Variants in BMP6 observed in about 807,000 individuals in gnomAD.
BMP6 encodes bone morphogenetic protein 6, also known as VG-1-R.
In BMP6, 17 loss-of-function variants were observed where a neutral mutation model predicts 54.1. The observed-to-expected ratio is 0.31, with a 90% CI of 0.22 to 0.47. The LOEUF (loss-of-function observed/expected upper bound fraction) is 0.47, where lower values mean the gene tolerates loss of function less well. Ranked by LOEUF, BMP6 falls within the 20% of genes least tolerant of loss-of-function variation. The pLI, the probability that BMP6 is intolerant of heterozygous loss-of-function variation, is 1.00. For missense variants in BMP6, 720 were observed against 690.4 expected, an observed-to-expected ratio of 1.04 and a Z score of -0.48; for synonymous variants, 328 against 291.2, an observed-to-expected ratio of 1.13 and a Z score of -1.28.
At chr6:7,767,199 C>T (rs1018037611) in intron 1 of BMP6, among the ~76,000 whole-genome samples, 5 of 152,028 alleles carry the variant, frequency 3.3e-5, no homozygotes, top group African/African-American at 1.2e-4. Flanking sequence ...CGGTCTCGAT[C>T]TCCTGACCTC....
intron 2 of BMP6, among the ~76,000 whole-genome samples, chr6:7,853,597 A>G (rs1158389811): frequency 2.6e-5 from 4 of 152,150 alleles, no homozygotes; most frequent in Admixed American, 1.3e-4. Context: ...GGAGAACACT[A>G]TATTATAGTT....
At chr6:7,779,800 G>A (rs1757915186) in intron 1 of BMP6, among the ~76,000 whole-genome samples, 1 of 152,168 alleles carries the variant, frequency 6.6e-6, no homozygotes, top group East Asian at 1.9e-4. Flanking sequence ...AAAGTGAAGG[G>A]GGAGAGGGGT....
Position 7,809,511 on chromosome 6 carries a change from G to A in BMP6, c.665-35629G>A, listed in dbSNP as rs1758404991. Among the ~76,000 whole-genome samples, 3 of 152,108 alleles carry A rather than the reference G, an allele frequency of 2.0e-5. No homozygotes were observed. In the South Asian group the frequency reaches 6.2e-4, roughly 32 times the overall value. On this transcript the variant is annotated intron_variant, in intron 1 of 6. Coordinates refer to ENST00000283147, the MANE Select transcript of BMP6 (RefSeq NM_001718.6). ...CAGGATTTTTTTTTTCCTGTGTGTG[G>A]CTATGTAGAGGCGGAAAAGGATGAA...
At position 7,765,292 on chromosome 6, in the gene BMP6, T is replaced by A. The variant is rs571538348; in HGVS notation, c.664+37673T>A. Among the ~76,000 whole-genome samples the A allele has an allele frequency of 1.8e-4, 27 of 152,356 alleles. No individual in the cohort carries two copies. In the East Asian group the frequency reaches 4.2e-3, roughly 24 times the overall value. On this transcript the variant is annotated intron_variant, in intron 1 of 6. Transcript: ENST00000283147. ...TCCCAGAGAGGGGGAAACCCCAGTT[T>A]GACCACATTTATTATTTTATTTGCT...
intron 4 of BMP6, 44 bp from the exon 5 acceptor site, chr6:7,879,030 G>C: frequency 1.9e-6 from 3 of 1,559,704 alleles, no homozygotes; most frequent in East Asian, 2.2e-5. Flanking sequence ...ATGAGTTGAT[G>C]GGTGCATCTT....
chr6:7,809,386 C>T (rs1758403033), intron 1 of BMP6, among the ~76,000 whole-genome samples: 1 of 152,152 alleles, frequency 6.6e-6, no homozygotes, highest in Non-Finnish European at 1.5e-5. Context: ...GCAAAATGTG[C>T]CTCTTGCACT....
chr6:7,776,774 C>T (rs1337603811), intron 1 of BMP6, among the ~76,000 whole-genome samples: 3 of 152,184 alleles, frequency 2.0e-5, no homozygotes, highest in Non-Finnish European at 4.4e-5. Context: ...CGTCAGTGCC[C>T]CAACCAGCTG....
intron 1 of BMP6, among the ~76,000 whole-genome samples, chr6:7,836,041 G>A (rs915891533): frequency 3.9e-5 from 6 of 151,920 alleles, no homozygotes; most frequent in Admixed American, 2.6e-4. Context: ...AGGTTTCCCC[G>A]TGTTGGCCAG....
rs533113060 is a variant in BMP6, at chr6:7,852,493, C to T, written c.857+7161C>T. On this transcript the variant is annotated intron_variant, in intron 2 of 6. Transcript: ENST00000283147. ...TCAGGAGGCTGAGGTAGGAGGATTGCTTGAGCCTGGGAGGTTGAGGCTGCA... is the reference window on the plus strand; with the variant it reads ...TCAGGAGGCTGAGGTAGGAGGATTGTTTGAGCCTGGGAGGTTGAGGCTGCA... Among the ~76,000 whole-genome samples the T allele has an allele frequency of 6.6e-5, 10 of 152,310 alleles. No homozygotes were observed. In the South Asian group the frequency reaches 1.9e-3, roughly 28 times the overall value.
In BMP6 at chr6:7,861,494, T is replaced by G. The variant is rs939623028; in HGVS notation, c.901T>G (p.Ser301Ala). 4.3e-6 allele frequency: 7 copies of G among 1,614,032 alleles called. No individual in the cohort carries two copies. The highest frequency in any genetic ancestry group is 5.9e-6 in the Non-Finnish European group (7 of 1,180,022). The change falls in exon 3 of 7, where the codon TCA (serine) becomes GCA (alanine). Residue 301 changes from serine to alanine, a missense_variant. By Grantham distance (99) the Ser-to-Ala change is moderately conservative (BLOSUM62 1). Around this residue, in one of 3 missense-constraint regions of BMP6, gnomAD observed 650 missense variants for 556.3 expected, o/e 1.17. Coordinates refer to ENST00000283147, the MANE Select transcript of BMP6 (RefSeq NM_001718.6). ...GTTGGACACCCGTGTAGTATGGGCC[T>G]CAGAAGAAGGCTGGCTGGAATTTGA... is the stretch of plus-strand genomic sequence containing the variant. ...FLLDTRVVWA[S>A]EEGWLEFDIT...
intron 1 of BMP6, among the ~76,000 whole-genome samples, chr6:7,806,794 A>T (rs1256784968): frequency 6.6e-6 from 1 of 152,130 alleles, no homozygotes; most frequent in Non-Finnish European, 1.5e-5. Context: ...CTGTGATTGG[A>T]TTGCTAAATA....
At position 7,736,175 on chromosome 6, in the gene BMP6, G is replaced by A. The variant is rs183981337; in HGVS notation, c.664+8556G>A. On this transcript the variant is annotated intron_variant, in intron 1 of 6. Coordinates refer to ENST00000283147, the MANE Select transcript of BMP6 (RefSeq NM_001718.6). ...GGAGTTTAAAAATCTTTTTTCCTCCGCATAGTTTGACTGAGGTGTCTGTCA... is the reference window on the plus strand; with the variant it reads ...GGAGTTTAAAAATCTTTTTTCCTCCACATAGTTTGACTGAGGTGTCTGTCA... Among the ~76,000 whole-genome samples, 120 of 151,876 alleles carry A rather than the reference G, an allele frequency of 7.9e-4. 1 individual carries two copies. The highest frequency in any genetic ancestry group is 1.2e-3 in the Admixed American group (18 of 15,254).
chr6:7,878,049 T>C (rs1759649712), intron 4 of BMP6, among the ~76,000 whole-genome samples: 1 of 152,144 alleles, frequency 6.6e-6, no homozygotes, highest in Non-Finnish European at 1.5e-5. Flanking sequence ...CCGACCCTGC[T>C]TGACACATCC....
chr6:7,825,734 CAAA>C (rs374852166), intron 1 of BMP6, among the ~76,000 whole-genome samples: 16,330 of 148,820 alleles, frequency 0.11, 988 homozygotes, highest in African/African-American at 0.15. Context: ...AAAAAAAAAA[CAAA>C]AACCAAAAAA....
At chr6:7,804,542 G>T (rs1162530514) in intron 1 of BMP6, among the ~76,000 whole-genome samples, 1 of 152,168 alleles carries the variant, frequency 6.6e-6, no homozygotes, top group Non-Finnish European at 1.5e-5. Flanking sequence ...ATTCAGTCTG[G>T]ACTTCAATGG....
intron 1 of BMP6, among the ~76,000 whole-genome samples, chr6:7,843,984 C>A (rs1371166101): frequency 6.6e-6 from 1 of 152,160 alleles, no homozygotes. Flanking sequence ...GACATGATTA[C>A]CACTATCAAG....
chr6:7,817,392 A>G (rs267803), intron 1 of BMP6, among the ~76,000 whole-genome samples: 58,872 of 151,792 alleles, frequency 0.39, 12,255 homozygotes, highest in East Asian at 0.73. Flanking sequence ...ATACTATGCA[A>G]CCATAAAAAA....
chr6:7,867,970 G>A (rs954232250), intron 4 of BMP6, among the ~76,000 whole-genome samples: 6 of 152,190 alleles, frequency 3.9e-5, no homozygotes, highest in African/African-American at 1.2e-4. Flanking sequence ...TGCAGGTACC[G>A]TGAGATGCCT....
At chr6:7,815,192 C>A (rs1468766177) in intron 1 of BMP6, among the ~76,000 whole-genome samples, 1 of 152,178 alleles carries the variant, frequency 6.6e-6, no homozygotes, top group Non-Finnish European at 1.5e-5. Flanking sequence ...AGAGTCATTA[C>A]TCAAAATACC....
Sources: gnomAD v4.1 joint callset for allele counts (sites outside exome capture counted in the v4.1 genomes callset) on GRCh38, gnomAD v4.1.1 for gene constraint, gnomAD v4.1.1 regional missense constraint, MANE v1.5 for transcripts, NCBI Gene and HGNC (gene_info 2026-07-23, HGNC 2026-07-21) for gene names.